The following MAP4K4 variants were observed in gnomAD, a reference collection of about 807,000 sequenced individuals.
MAP4K4 encodes mitogen-activated protein kinase kinase kinase kinase 4, also known as HPK/GCK-like kinase HGK.
In MAP4K4, 38 loss-of-function variants were observed where a neutral mutation model predicts 189.6. That is an observed-to-expected ratio of 0.20 (90% CI 0.15 to 0.26). MAP4K4 has a LOEUF of 0.26. MAP4K4 is among the 10% of genes least tolerant of loss of function. The pLI is 1.00. For missense variants in MAP4K4, 1,054 were observed against 1,726.9 expected (o/e 0.61, Z 6.91); for synonymous variants, 610 against 624.3 (o/e 0.98, Z 0.34).
chr2:101,730,949 C>T (rs1358149404), intron 2 of MAP4K4, among the ~76,000 whole-genome samples: 7 of 151,132 alleles, frequency 4.6e-5, no homozygotes, highest in African/African-American at 1.2e-4. Flanking sequence ...CGGGAGCCTG[C>T]GCAGGAGAAT....
chr2:101,870,984 T>G (rs2097992126), intron 23 of MAP4K4, among the ~76,000 whole-genome samples: 1 of 152,232 alleles, frequency 6.6e-6, no homozygotes, highest in South Asian at 2.1e-4. Flanking sequence ...TCACTAAGCT[T>G]TATAACTGTC....
intron 29 of MAP4K4, among the ~76,000 whole-genome samples, chr2:101,886,388 T>TATTTCAAATA (rs11271193): frequency 1.3e-5 from 2 of 152,044 alleles, no homozygotes; most frequent in African/African-American, 4.8e-5. Context: ...AGAGACCTTA[T>TATTTCAAATA]GCTACTAGTA....
At chr2:101,768,183 A>G (rs1202760571) in intron 2 of MAP4K4, among the ~76,000 whole-genome samples, 3 of 152,240 alleles carry the variant, frequency 2.0e-5, no homozygotes, top group African/African-American at 7.2e-5. Context: ...TGGGGGCACT[A>G]AAGTGACTTA....
chr2:101,744,854 A>T (rs2064487724), intron 2 of MAP4K4, among the ~76,000 whole-genome samples: 1 of 152,174 alleles, frequency 6.6e-6, no homozygotes, highest in African/African-American at 2.4e-5. Flanking sequence ...AAGGCTGGAA[A>T]TGAGTTATTC....
At chr2:101,798,576 C>G (rs946304573) in intron 3 of MAP4K4, among the ~76,000 whole-genome samples, 1 of 152,074 alleles carries the variant, frequency 6.6e-6, no homozygotes, top group African/African-American at 2.4e-5. Flanking sequence ...CAATAGAGTC[C>G]TGGACTTGCT....
chr2:101,763,608 G>A (rs1294286476), intron 2 of MAP4K4, among the ~76,000 whole-genome samples: 2 of 152,194 alleles, frequency 1.3e-5, no homozygotes, highest in African/African-American at 2.4e-5. Context: ...GGAAGTGTGA[G>A]TGAAGCAACA....
At chr2:101,843,465 T>C (rs2096982033) in intron 11 of MAP4K4, among the ~76,000 whole-genome samples, 1 of 152,214 alleles carries the variant, frequency 6.6e-6, no homozygotes, top group South Asian at 2.1e-4. Context: ...ATAAGCAATG[T>C]AATTGTTTTT....
intron 2 of MAP4K4, among the ~76,000 whole-genome samples, chr2:101,711,308 TGC>T: frequency 6.6e-6 from 1 of 152,180 alleles, no homozygotes; most frequent in East Asian, 1.9e-4. Flanking sequence ...AAAGTTTTTT[TGC>T]TTTTTTTTTT....
intron 2 of MAP4K4, among the ~76,000 whole-genome samples, chr2:101,702,446 G>C (rs761474552): frequency 1.3e-5 from 2 of 152,054 alleles, no homozygotes; most frequent in Non-Finnish European, 2.9e-5. Flanking sequence ...GGGGGTGCCT[G>C]TAATCCCGGC....
intron 2 of MAP4K4, among the ~76,000 whole-genome samples, chr2:101,784,043 A>C (rs914685153): frequency 6.6e-6 from 1 of 152,112 alleles, no homozygotes; most frequent in Non-Finnish European, 1.5e-5. Context: ...ATCTTGAGAG[A>C]TCCATGTTCT....
intron 2 of MAP4K4, among the ~76,000 whole-genome samples, chr2:101,713,476 A>T (rs1428815268): frequency 1.3e-5 from 2 of 151,894 alleles, no homozygotes; most frequent in African/African-American, 4.8e-5. Context: ...CATGCCTGTA[A>T]TCCCAGCTAC....
At chr2:101,709,448 C>T (rs2149282039) in intron 2 of MAP4K4, among the ~76,000 whole-genome samples, 1 of 152,336 alleles carries the variant, frequency 6.6e-6, no homozygotes, top group South Asian at 2.1e-4. Context: ...GGTGATCTGC[C>T]CGCCTCGGCC....
At chr2:101,869,669 G>C (rs1323989599) in exon 22 of MAP4K4, 1 of 1,609,278 alleles carries the variant, frequency 6.2e-7, no homozygotes, top group African/African-American at 1.3e-5. Context: ...AAGATGTACG[G>C]CCACCTCACA....
chr2:101,867,242 A>T (rs1356635744), exon 20 of MAP4K4: 1 of 1,605,978 alleles, frequency 6.2e-7, no homozygotes, highest in African/African-American at 1.3e-5. Context: ...TCTCCATCTC[A>T]GCGCCTGGAA....
chr2:101,711,563 TGATAATATGGACAAAAGAGAA>T (rs2045571187), intron 2 of MAP4K4, among the ~76,000 whole-genome samples: 1 of 152,158 alleles, frequency 6.6e-6, no homozygotes, highest in Non-Finnish European at 1.5e-5. Flanking sequence ...CCTTGCTCTT[TGATAATATGGACAAAAGAGAA>T]TTTTATTTTT....
Position 101,835,889 on chromosome 2 carries a change from C to T in MAP4K4, c.695-11C>T. The stretch of plus-strand genomic sequence containing the variant: ...AAGTGCCATACTGACACGACCGTCT[C>T]CTCTCCCCAGCTCTCTGTGACATGC... On this transcript the variant is annotated splice_polypyrimidine_tract_variant and intron_variant, in intron 8 of 32. Transcript: ENST00000324219. The T allele has an allele frequency of 4.4e-6, 7 of 1,599,786 alleles. No homozygotes were observed. The highest frequency in any genetic ancestry group is 6.0e-6 in the Non-Finnish European group (7 of 1,167,194).
At chr2:101,858,448 T>C (rs2149811434) in intron 13 of MAP4K4, among the ~76,000 whole-genome samples, 1 of 152,314 alleles carries the variant, frequency 6.6e-6, no homozygotes, top group East Asian at 1.9e-4. Flanking sequence ...CCTGGGTCTG[T>C]TCATTTGAGG....
At chr2:101,734,812 A>G (rs761384174) in intron 2 of MAP4K4, among the ~76,000 whole-genome samples, 13 of 152,158 alleles carry the variant, frequency 8.5e-5, no homozygotes, top group Admixed American at 2.0e-4. Context: ...CATGATCTCC[A>G]TGCTGGCATT....
exon 33 of MAP4K4, chr2:101,891,474 C>T: frequency 2.1e-6 from 1 of 477,952 alleles, no homozygotes; most frequent in Non-Finnish European, 3.8e-6. Flanking sequence ...GGCTGCAATG[C>T]AGCTGGTGCT....
Sources: gnomAD v4.1 joint callset for allele counts (sites outside exome capture counted in the v4.1 genomes callset) on GRCh38, gnomAD v4.1.1 for gene constraint, MANE v1.5 for transcripts, NCBI Gene and HGNC (gene_info 2026-07-23, HGNC 2026-07-21) for gene names.